The following STAM2 variants were observed in gnomAD, a reference collection of about 807,000 sequenced individuals.
The protein encoded by STAM2 is signal transducing adaptor molecule 2.
A neutral mutation model predicts 65.6 loss-of-function variants in STAM2; 51 were observed. That is an observed-to-expected ratio of 0.78 (90% CI 0.62 to 0.98). The LOEUF is 0.98. Ranked by LOEUF, STAM2 falls within the 50% of genes least tolerant of loss-of-function variation. The pLI, the probability that STAM2 is intolerant of heterozygous loss-of-function variation, is 0.00. For synonymous variants in STAM2, 198 were observed against 208.4 expected, an observed-to-expected ratio of 0.95 and a Z score of 0.43; for missense variants, 584 against 617.8, an observed-to-expected ratio of 0.95 and a Z score of 0.58.
In STAM2 at chr2:152,120,778, AT is replaced by A; in HGVS notation, c.1373del (p.Asn458IlefsTer5). 1.2e-6 allele frequency: 2 copies of A among 1,614,178 alleles called. No homozygotes were observed. Among genetic ancestry groups the A allele is most frequent in the Non-Finnish European group, 1.7e-6 (2 of 1,180,034 alleles). On this transcript the variant is annotated frameshift_variant, in exon 14 of 14. Transcript: ENST00000263904. LOFTEE classifies it high-confidence loss of function. ...TAGAGTTCTGGTTCATATAAGTAGG[AT>A]TGGAAACAGTGTCTTGTCCAGTGCT... ...YLSTGQDTVS[N>X]PTYMNQNSNL... is the part of the protein sequence containing the mutation.
chr2:152,165,142 T>A (rs1689752694), intron 1 of STAM2, among the ~76,000 whole-genome samples: 1 of 151,852 alleles, frequency 6.6e-6, no homozygotes, highest in Admixed American at 6.6e-5. Flanking sequence ...GAAAAATGAG[T>A]CGGTCGGGCG....
chr2:152,161,272 G>A (rs1689670266), intron 1 of STAM2, among the ~76,000 whole-genome samples: 1 of 150,994 alleles, frequency 6.6e-6, no homozygotes, highest in African/African-American at 2.4e-5. Flanking sequence ...TGCAAGATGT[G>A]CTTTGTTAAA....
chr2:152,132,471 T>C (rs776823649), intron 10 of STAM2, among the ~76,000 whole-genome samples: 10 of 152,194 alleles, frequency 6.6e-5, no homozygotes, highest in Non-Finnish European at 1.2e-4. Context: ...TATGATTAGT[T>C]AACTAAAACA....
chr2:152,165,840 C>T (rs1689772314), intron 1 of STAM2, among the ~76,000 whole-genome samples: 1 of 152,166 alleles, frequency 6.6e-6, no homozygotes, highest in African/African-American at 2.4e-5. Flanking sequence ...AAAAAGAGAA[C>T]ATTCATTTAG....
At chr2:152,140,494 G>GT (rs1689225975) in intron 7 of STAM2, among the ~76,000 whole-genome samples, 1 of 152,222 alleles carries the variant, frequency 6.6e-6, no homozygotes, top group Admixed American at 6.5e-5. Context: ...ACTGAAGGTA[G>GT]TGATGTCCTT....
intron 1 of STAM2, 120 bp downstream of exon 1, chr2:152,175,483 C>T: frequency 7.6e-7 from 1 of 1,324,002 alleles, no homozygotes; most frequent in Non-Finnish European, 1.1e-6. Context: ...GCGGCACCGC[C>T]CCTCCCCTCC....
chr2:152,120,705 T>A lies in STAM2; in HGVS notation c.1447A>T (p.Met483Leu). 2 of 1,614,084 alleles carry A rather than the reference T, an allele frequency of 1.2e-6. No individual in the cohort carries two copies. ...GTTAYTQQMG[M>L]SVDMSSYQNT... ...TGATAAGATGACATATCCACAGACA[T>A]CCCCATTTGCTGTGTGTAAGCAGTT... The change falls in exon 14 of 14, where the codon ATG becomes TTG. Residue 483 changes from methionine (M) to leucine (L), a missense_variant. Physicochemically the swap from Met to Leu is conservative, Grantham distance 15 (BLOSUM62 2). Coordinates refer to ENST00000263904, the MANE Select transcript of STAM2 (RefSeq NM_005843.6).
At chr2:152,129,802 A>T (rs1255074309) in intron 11 of STAM2, among the ~76,000 whole-genome samples, 1 of 152,260 alleles carries the variant, frequency 6.6e-6, no homozygotes, top group Admixed American at 6.5e-5. Context: ...ATTGAAACAA[A>T]GTAGATGTGT....
At chr2:152,159,120 GAT>G in intron 1 of STAM2, among the ~76,000 whole-genome samples, 1 of 81,132 alleles carries the variant, frequency 1.2e-5, no homozygotes, top group African/African-American at 6.2e-5. Flanking sequence ...TACACACACA[GAT>G]ATATATAATT....
At chr2:152,140,110 A>G (rs1022621047) in intron 7 of STAM2, among the ~76,000 whole-genome samples, 44 of 152,320 alleles carry the variant, frequency 2.9e-4, no homozygotes, top group African/African-American at 1.0e-3. Flanking sequence ...AAATGCTGTT[A>G]CATATGTTCA....
intron 5 of STAM2, among the ~76,000 whole-genome samples, chr2:152,145,913 T>C (rs1473248038): frequency 6.6e-6 from 1 of 152,210 alleles, no homozygotes; most frequent in African/African-American, 2.4e-5. Flanking sequence ...GTTTCCTTTT[T>C]ATTACTTATA....
Position 152,127,116 on chromosome 2 carries a change from T to C in STAM2, c.1026-737A>G, listed in dbSNP as rs186467983. On this transcript the variant is annotated intron_variant, in intron 11 of 13. Coordinates refer to ENST00000263904, the MANE Select transcript of STAM2 (RefSeq NM_005843.6). Reference sequence around the variant, plus strand: ...AGATTCTGTATCCTGGCCCTTGAGCTGCTGCTCAGGCCCACTCCCACACTG... The same window carrying C: ...AGATTCTGTATCCTGGCCCTTGAGCCGCTGCTCAGGCCCACTCCCACACTG... 1.7e-3 allele frequency among the ~76,000 whole-genome samples: 255 copies of C among 152,336 alleles called. 1 individual carries two copies. The highest frequency in any genetic ancestry group is 0.014 in the Middle Eastern group (4 of 294).
At chr2:152,173,210 CAA>C (rs200244856) in intron 1 of STAM2, among the ~76,000 whole-genome samples, 16 of 117,474 alleles carry the variant, frequency 1.4e-4, no homozygotes, top group African/African-American at 3.2e-4. Context: ...AAGGAATGAC[CAA>C]AAAAAAAAAA....
chr2:152,172,839 C>T (rs1419913557), intron 1 of STAM2, among the ~76,000 whole-genome samples: 2 of 146,334 alleles, frequency 1.4e-5, no homozygotes, highest in East Asian at 4.0e-4. Flanking sequence ...CACTTCATTC[C>T]AGCCTGAGAG....
chr2:152,129,403 A>G (rs761847845), intron 11 of STAM2, among the ~76,000 whole-genome samples: 10 of 152,224 alleles, frequency 6.6e-5, no homozygotes, highest in Non-Finnish European at 1.2e-4. Flanking sequence ...CTCCCACTTC[A>G]GCCTCCTGAA....
intron 1 of STAM2, among the ~76,000 whole-genome samples, chr2:152,157,852 T>TA: frequency 6.6e-6 from 1 of 152,134 alleles, no homozygotes; most frequent in Non-Finnish European, 1.5e-5. Flanking sequence ...TGTCAAAACG[T>TA]AAAAGATCCC....
At position 152,120,248 on chromosome 2, in the gene STAM2, TTGTCATAAGTATCTCATACTGTTTGTC is replaced by T; in HGVS notation, c.*299_*325del. On this transcript the variant is annotated 3_prime_UTR_variant, in exon 14 of 14. Coordinates refer to ENST00000263904, the MANE Select transcript of STAM2 (RefSeq NM_005843.6). ...CTCCAGCCTGGGTGACAGAGCGAGTTTGTCATAAGTATCTCATACTGTTTGTCATAAGGCTACTTAATGAGTATCTAG... is the reference window on the plus strand; with the variant it reads ...CTCCAGCCTGGGTGACAGAGCGAGTTATAAGGCTACTTAATGAGTATCTAG... 8.2e-6 allele frequency: 2 copies of T among 243,884 alleles called. No homozygotes were observed. The highest frequency in any genetic ancestry group is 7.8e-6 in the Non-Finnish European group (1 of 128,160). 15.1% of individuals were successfully genotyped at this position (243,884 alleles called of 1,614,324 possible).
At chr2:152,139,431 G>C (rs1560214685) in intron 7 of STAM2, among the ~76,000 whole-genome samples, 1 of 152,140 alleles carries the variant, frequency 6.6e-6, no homozygotes, top group Admixed American at 6.5e-5. Flanking sequence ...CTAGCACAAA[G>C]CTGTAGTCCC....
Position 152,117,732 on chromosome 2 carries a change from A to G in STAM2, c.*2842T>C, listed in dbSNP as rs937029275. 1 of 152,096 alleles carries G rather than the reference A, an allele frequency of 6.6e-6. No homozygotes were observed. The highest frequency in any genetic ancestry group is 1.5e-5 in the Non-Finnish European group (1 of 67,992). The allele number at this position is 152,096 out of a possible 1,614,324, so 9.4% of individuals were successfully genotyped here. A position where few individuals can be genotyped will look rare whatever the true frequency, so the allele number is the denominator to read the frequency against. ...TTAAATTTATGTTTTTACTAAGAAAACCTTTTTAAAAAAAATCCCTAAGCT... is the reference window on the plus strand; with the variant it reads ...TTAAATTTATGTTTTTACTAAGAAAGCCTTTTTAAAAAAAATCCCTAAGCT... On this transcript the variant is annotated 3_prime_UTR_variant, in exon 14 of 14. Coordinates refer to ENST00000263904, the MANE Select transcript of STAM2 (RefSeq NM_005843.6).
Sources: gnomAD v4.1 joint callset for allele counts (sites outside exome capture counted in the v4.1 genomes callset) on GRCh38, gnomAD v4.1.1 for gene constraint, MANE v1.5 for transcripts, NCBI Gene and HGNC (gene_info 2026-07-23, HGNC 2026-07-21) for gene names.